Variants in ARHGAP42 observed in about 807,000 individuals in gnomAD.
ARHGAP42 encodes rho GTPase-activating protein 42.
In ARHGAP42, 63 loss-of-function variants were observed where a neutral mutation model predicts 125.0. The ratio of observed to expected loss-of-function variants is 0.50; its 90% CI spans 0.41 to 0.62. ARHGAP42 has a LOEUF of 0.62. Ranked by LOEUF, ARHGAP42 falls within the 20% of genes least tolerant of loss-of-function variation. The probability of loss-of-function intolerance (pLI) is 0.00; values close to 1 mark genes in which losing one functional copy is unlikely to be tolerated. For missense variants in ARHGAP42, 766 were observed against 1,024.2 expected, an observed-to-expected ratio of 0.75 and a Z score of 3.44; for synonymous variants, 339 against 351.0, an observed-to-expected ratio of 0.97 and a Z score of 0.38.
At chr11:100,760,130 G>A (rs148887328) in intron 1 of ARHGAP42, among the ~76,000 whole-genome samples, 147 of 152,296 alleles carry the variant, frequency 9.7e-4, no homozygotes, top group African/African-American at 3.4e-3. Flanking sequence ...TAATGTTATT[G>A]TAGCCCCTGG....
At chr11:100,697,951 T>G (rs1230896574) in intron 1 of ARHGAP42, among the ~76,000 whole-genome samples, 1 of 152,232 alleles carries the variant, frequency 6.6e-6, no homozygotes, top group Non-Finnish European at 1.5e-5. Flanking sequence ...GTATTAGACT[T>G]TCTCTTCCTT....
chr11:100,992,464 T>G lies in ARHGAP42; in HGVS notation c.*3663T>G, dbSNP rs1345640705. 3.1e-6 allele frequency: 5 copies of G among 1,613,960 alleles called. No individual in the cohort carries two copies. Among genetic ancestry groups the G allele is most frequent in the Admixed American group, 3.3e-5 (2 of 59,992 alleles). On this transcript the variant is annotated 3_prime_UTR_variant, in exon 24 of 24. Transcript: ENST00000298815. ...TGCTATTTAACTTTGCCTCCTACCC[T>G]TTTTTGTTACCTTCCAAAATCAAGA...
At chr11:100,980,033 C>T (rs544004364) in intron 22 of ARHGAP42, among the ~76,000 whole-genome samples, 109 of 152,202 alleles carry the variant, frequency 7.2e-4, no homozygotes, top group African/African-American at 2.5e-3. Flanking sequence ...ATAACAATAA[C>T]AATAACCTTC....
chr11:100,892,802 G>A (rs945584367), intron 4 of ARHGAP42, among the ~76,000 whole-genome samples: 1 of 152,024 alleles, frequency 6.6e-6, no homozygotes, highest in South Asian at 2.1e-4. Flanking sequence ...AAGACCCTTG[G>A]CTCACTTGGT....
chr11:100,737,618 G>A (rs1862094435), intron 1 of ARHGAP42, among the ~76,000 whole-genome samples: 1 of 152,144 alleles, frequency 6.6e-6, no homozygotes, highest in South Asian at 2.1e-4. Flanking sequence ...AGATAGAGGT[G>A]TCTTGGTTCA....
At chr11:100,718,646 C>A (rs916719405) in intron 1 of ARHGAP42, among the ~76,000 whole-genome samples, 3 of 152,080 alleles carry the variant, frequency 2.0e-5, no homozygotes, top group Non-Finnish European at 1.5e-5. Context: ...TATTTCTGAA[C>A]AAGAATTTAA....
At chr11:100,903,284 A>G (rs1237501269) in intron 4 of ARHGAP42, among the ~76,000 whole-genome samples, 1 of 151,802 alleles carries the variant, frequency 6.6e-6, no homozygotes, top group Non-Finnish European at 1.5e-5. Flanking sequence ...GAATAAGAAA[A>G]AAAATACATC....
At chr11:100,855,161 G>A (rs1416510811) in intron 3 of ARHGAP42, among the ~76,000 whole-genome samples, 1 of 152,054 alleles carries the variant, frequency 6.6e-6, no homozygotes, top group African/African-American at 2.4e-5. Flanking sequence ...AATATCAGAA[G>A]TATTGCTTTA....
At position 100,728,755 on chromosome 11, in the gene ARHGAP42, T is replaced by TATAC. The variant is rs1364139152; in HGVS notation, c.154+40925_154+40926insACAT. ...ATATATATATATATATATATATATA[T>TATAC]ATGCACACTTTTCTTTTTTAATTTT... On this transcript the variant is annotated intron_variant, in intron 1 of 23. Transcript: ENST00000298815. Among the ~76,000 whole-genome samples, 472 of 108,708 alleles carry TATAC rather than the reference T, an allele frequency of 4.3e-3. 8 individuals are homozygous for TATAC. The highest frequency in any genetic ancestry group is 8.2e-3 in the South Asian group (26 of 3,172). 71.3% of individuals were successfully genotyped at this position (108,708 alleles called of 152,430 possible).
chr11:100,950,543 A>G (rs1857625536), intron 12 of ARHGAP42, among the ~76,000 whole-genome samples: 1 of 151,612 alleles, frequency 6.6e-6, no homozygotes, highest in Admixed American at 6.6e-5. Flanking sequence ...TATGTTGGAA[A>G]AGATGTTTTT....
chr11:100,966,327 G>T (rs886396946), intron 17 of ARHGAP42, among the ~76,000 whole-genome samples: 4 of 152,084 alleles, frequency 2.6e-5, no homozygotes, highest in Admixed American at 2.0e-4. Context: ...TAGTGTGTGT[G>T]TACATATATT....
chr11:100,955,435 TG>T (rs1460218009), intron 12 of ARHGAP42, among the ~76,000 whole-genome samples: 2 of 152,116 alleles, frequency 1.3e-5, no homozygotes, highest in Non-Finnish European at 2.9e-5. Context: ...GATACAGGGC[TG>T]GGGTAGGGCT....
intron 7 of ARHGAP42, among the ~76,000 whole-genome samples, chr11:100,934,469 T>C (rs1323713935): frequency 6.6e-6 from 1 of 152,248 alleles, no homozygotes; most frequent in Non-Finnish European, 1.5e-5. Context: ...TCTATCAGAA[T>C]TTATTTTGTA....
chr11:100,774,023 T>C (rs975386828), intron 2 of ARHGAP42, among the ~76,000 whole-genome samples: 9 of 152,194 alleles, frequency 5.9e-5, no homozygotes, highest in African/African-American at 2.2e-4. Context: ...GTATAAAATA[T>C]TTCTGGAACA....
intron 1 of ARHGAP42, among the ~76,000 whole-genome samples, chr11:100,693,578 A>T (rs1168475368): frequency 6.6e-6 from 1 of 152,108 alleles, no homozygotes; most frequent in Non-Finnish European, 1.5e-5. Flanking sequence ...CTTTAACAGT[A>T]TCTTTATTTC....
In ARHGAP42 at chr11:100,695,928, G is replaced by A. The variant is rs145186121; in HGVS notation, c.154+8096G>A. Among the ~76,000 whole-genome samples the A allele has an allele frequency of 5.5e-4, 83 of 152,252 alleles. No individual in the cohort carries two copies. The East Asian group carries it at 9.3e-3, about 17-fold the overall frequency. ...CATGGAATATAGTGGGAAAAAGCTAGGATAAGACTAATAGTGGCTGGGCGT... is the reference window on the plus strand; with the variant it reads ...CATGGAATATAGTGGGAAAAAGCTAAGATAAGACTAATAGTGGCTGGGCGT... On this transcript the variant is annotated intron_variant, in intron 1 of 23. Transcript: ENST00000298815.
intron 1 of ARHGAP42, among the ~76,000 whole-genome samples, chr11:100,735,601 A>G (rs1280318946): frequency 1.4e-5 from 1 of 69,228 alleles, no homozygotes; most frequent in Admixed American, 1.7e-4. Flanking sequence ...TTTTACTTGT[A>G]CTTTTTTTTT....
chr11:100,808,395 C>CTTTTTT (rs398045483), intron 3 of ARHGAP42, among the ~76,000 whole-genome samples: 10 of 118,772 alleles, frequency 8.4e-5, no homozygotes, highest in African/African-American at 1.3e-4. Context: ...TAAATTCACT[C>CTTTTTT]TTTTTTTTTT....
chr11:100,955,978 A>G (rs117360345), intron 12 of ARHGAP42, among the ~76,000 whole-genome samples: 3,193 of 152,214 alleles, frequency 0.021, 45 homozygotes, highest in Non-Finnish European at 0.035. Context: ...AATCCTTGTG[A>G]CTACTTCATC....
Sources: allele counts gnomAD v4.1 joint callset (sites outside exome capture counted in the v4.1 genomes callset), GRCh38; gene constraint gnomAD v4.1.1; transcripts MANE v1.5; gene names NCBI Gene and HGNC (gene_info 2026-07-23, HGNC 2026-07-21).